The following HEXIM2 variants were observed in gnomAD, a reference collection of about 807,000 sequenced individuals.
The protein encoded by HEXIM2 is protein HEXIM2.
For synonymous variants in HEXIM2, 159 were observed against 162.7 expected (o/e 0.98, Z 0.17); for missense variants, 413 against 390.8 (o/e 1.06, Z -0.48).
Position 45,169,511 on chromosome 17 carries a change from TC to T in HEXIM2, c.565del (p.Gln189SerfsTer129). On this transcript the variant is annotated frameshift_variant, in exon 4 of 4. Coordinates refer to ENST00000589230, the MANE Select transcript of HEXIM2 (RefSeq NM_001303441.2). LOFTEE classifies it low-confidence loss of function (END_TRUNC). ...SDGRGRAHGE[F>X]QRKDFSETYE... The stretch of plus-strand genomic sequence containing the variant: ...GGGCGGGGCCGAGCGCACGGTGAGT[TC>T]CAGCGGAAGGACTTCTCTGAGACTT... The T allele has an allele frequency of 6.2e-7, 1 of 1,605,650 alleles. No homozygotes were observed. The highest frequency in any genetic ancestry group is 8.5e-7 in the Non-Finnish European group (1 of 1,176,502).
chr17:45,167,325 C>G (rs2042883307), intron 3 of HEXIM2, among the ~76,000 whole-genome samples: 1 of 151,930 alleles, frequency 6.6e-6, no homozygotes. Flanking sequence ...GACTCTCACA[C>G]ACACACAAAA....
At chr17:45,165,190 C>T (rs2144060910) in intron 3 of HEXIM2, among the ~76,000 whole-genome samples, 1 of 152,302 alleles carries the variant, frequency 6.6e-6, no homozygotes, top group African/African-American at 2.4e-5. Flanking sequence ...TTGGCCCAAG[C>T]CACTGGTGGA....
rs1233681447 is a variant in HEXIM2, at chr17:45,162,171, G to C, written c.-193+140G>C. The C allele has an allele frequency of 4.1e-5, 14 of 338,490 alleles. No individual in the cohort carries two copies. In the Admixed American group the frequency reaches 6.4e-4, roughly 15 times the overall value. The allele number at this position is 338,490 out of a possible 1,614,324, so 21.0% of individuals were successfully genotyped here. On this transcript the variant is annotated intron_variant, in intron 1 of 3. Transcript: ENST00000589230. The stretch of plus-strand genomic sequence containing the variant: ...CCCCTTTTCTCCTGTTTCCCTTTCT[G>C]AGAGGAAGGAGGGAGGCAGGCCAGG...
chr17:45,165,285 A>C (rs1017331940), intron 3 of HEXIM2, among the ~76,000 whole-genome samples: 1 of 152,068 alleles, frequency 6.6e-6, no homozygotes, highest in Non-Finnish European at 1.5e-5. Flanking sequence ...CCCCACACAC[A>C]TACACACCCT....
intron 3 of HEXIM2, among the ~76,000 whole-genome samples, chr17:45,165,902 C>T (rs1407773523): frequency 2.0e-5 from 3 of 152,102 alleles, no homozygotes; most frequent in Admixed American, 6.5e-5. Context: ...TCAAGCGATT[C>T]TCCTACCTCA....
At chr17:45,160,963 A>G (rs1490891751), upstream of HEXIM2, 1 of 1,289,382 alleles carries the variant, frequency 7.8e-7, no homozygotes, top group African/African-American at 1.5e-5. Context: ...GTGCACTGGG[A>G]TCTCCGCTCT....
At chr17:45,160,946 A>G, upstream of HEXIM2, 1 of 1,289,758 alleles carries the variant, frequency 7.8e-7, no homozygotes, top group South Asian at 1.2e-5. Context: ...TAAGCGAGGT[A>G]AGGTGGGTGC....
chr17:45,161,937 G>A lies in HEXIM2; in HGVS notation c.-287G>A. ...ACCAGAGCTGCTGCAACTGCAGCAA[G>A]AGGTAGGGCTCAGGCGTTGGGAATT... On this transcript the variant is annotated 5_prime_UTR_variant, in exon 1 of 4. Transcript: ENST00000589230. 1.0e-6 allele frequency: 1 copy of A among 985,600 alleles called. No individual in the cohort carries two copies. Among genetic ancestry groups the A allele is most frequent in the Non-Finnish European group, 1.2e-6 (1 of 830,048 alleles). The allele number at this position is 985,600 out of a possible 1,614,324, so 61.1% of individuals were successfully genotyped here.
chr17:45,170,001 T>C lies in HEXIM2; in HGVS notation c.*192T>C. 1 of 471,728 alleles carries C rather than the reference T, an allele frequency of 2.1e-6. No individual in the cohort carries two copies. Among genetic ancestry groups the C allele is most frequent in the Non-Finnish European group, 3.7e-6 (1 of 272,876 alleles). 29.2% of individuals were successfully genotyped at this position (471,728 alleles called of 1,614,324 possible). A position where few individuals can be genotyped will look rare whatever the true frequency, so the allele number is the denominator to read the frequency against. Reference sequence around the variant, plus strand: ...TGGCTCTTTTGTGTCATCTTACCCTTTACAGAGAAATTAAATGGCCTTGGT... The same window carrying C: ...TGGCTCTTTTGTGTCATCTTACCCTCTACAGAGAAATTAAATGGCCTTGGT... On this transcript the variant is annotated 3_prime_UTR_variant, in exon 4 of 4. Transcript: ENST00000589230.
intron 3 of HEXIM2, among the ~76,000 whole-genome samples, chr17:45,168,340 A>G (rs1410728020): frequency 3.3e-5 from 5 of 151,034 alleles, no homozygotes; most frequent in Non-Finnish European, 5.9e-5. Context: ...AAAATTAGCC[A>G]GGCGTGGTGG....
intron 3 of HEXIM2, among the ~76,000 whole-genome samples, chr17:45,164,622 G>C (rs1249413335): frequency 6.6e-6 from 1 of 152,204 alleles, no homozygotes; most frequent in African/African-American, 2.4e-5. Flanking sequence ...GGGTGACAAA[G>C]TCAGACTTTC....
intron 3 of HEXIM2, among the ~76,000 whole-genome samples, chr17:45,165,225 G>A (rs997979829): frequency 6.6e-6 from 1 of 152,028 alleles, no homozygotes; most frequent in Non-Finnish European, 1.5e-5. Flanking sequence ...CTTTTATTTC[G>A]TGATCTCCCT....
chr17:45,166,513 G>A (rs190168464), intron 3 of HEXIM2, among the ~76,000 whole-genome samples: 1 of 152,206 alleles, frequency 6.6e-6, no homozygotes, highest in Non-Finnish European at 1.5e-5. Flanking sequence ...CACTGCCCTT[G>A]TGCTGTGCAT....
Position 45,169,605 on chromosome 17 carries a change from G to A in HEXIM2, c.657G>A (p.Glu219=), listed in dbSNP as rs2042972079. The A allele has an allele frequency of 3.2e-6, 5 of 1,540,334 alleles. No individual in the cohort carries two copies. Among genetic ancestry groups the A allele is most frequent in the South Asian group, 1.2e-5 (1 of 83,642 alleles). Residue 219 remains glutamate (E), a synonymous_variant, in exon 4 of 4, where the codon GAG becomes GAA. Transcript: ENST00000589230. ...AGGAGCTGGTGCGAGACTACCTGGA[G>A]CTGGAGAAGCGGCTGTCGCAGGCGG... ...SKQELVRDYL[E]LEKRLSQAEE...
intron 1 of HEXIM2, 126 bp from the exon 2 acceptor site, chr17:45,162,362 T>TGGC (rs2042722437): frequency 1.6e-6 from 1 of 612,320 alleles, no homozygotes; most frequent in South Asian, 4.4e-5. Context: ...TGTTCTCCCG[T>TGGC]GGCAGCAGCA....
At position 45,169,508 on chromosome 17, in the gene HEXIM2, A is replaced by G; in HGVS notation, c.560A>G (p.Glu187Gly). Reference sequence around the variant, plus strand: ...GATGGGCGGGGCCGAGCGCACGGTGAGTTCCAGCGGAAGGACTTCTCTGAG... The same window carrying G: ...GATGGGCGGGGCCGAGCGCACGGTGGGTTCCAGCGGAAGGACTTCTCTGAG... ...DSDGRGRAHG[E>G]FQRKDFSETY... is the part of the protein sequence containing the mutation. Residue 187 changes from glutamate to glycine, a missense_variant, in exon 4 of 4, where the codon GAG becomes GGG. Coordinates refer to ENST00000589230, the MANE Select transcript of HEXIM2 (RefSeq NM_001303441.2). The G allele has an allele frequency of 6.2e-7, 1 of 1,607,782 alleles. No homozygotes were observed. Among genetic ancestry groups the G allele is most frequent in the Non-Finnish European group, 8.5e-7 (1 of 1,177,278 alleles).
chr17:45,167,557 C>T (rs1404125927), intron 3 of HEXIM2, among the ~76,000 whole-genome samples: 2 of 152,038 alleles, frequency 1.3e-5, no homozygotes, highest in Non-Finnish European at 2.9e-5. Flanking sequence ...ATTATTGCAC[C>T]TCACTGCATT....
chr17:45,167,823 C>T (rs2042902033), intron 3 of HEXIM2, among the ~76,000 whole-genome samples: 1 of 152,024 alleles, frequency 6.6e-6, no homozygotes, highest in South Asian at 2.1e-4. Context: ...GTCTCGATCT[C>T]CTGACCTCGT....
At chr17:45,160,657 A>G (rs1248859719), upstream of HEXIM2, 1 of 339,606 alleles carries the variant, frequency 2.9e-6, no homozygotes, top group African/African-American at 2.2e-5. Context: ...AAAGGGCAAA[A>G]CCTCATCCCT....
Sources: allele counts gnomAD v4.1 joint callset (sites outside exome capture counted in the v4.1 genomes callset), GRCh38; gene constraint gnomAD v4.1.1; transcripts MANE v1.5; gene names NCBI Gene and HGNC (gene_info 2026-07-23, HGNC 2026-07-21).